OSTN: variants seen among roughly 807,000 people sequenced by gnomAD.
OSTN encodes the protein osteocrin.
OSTN carries 9 observed loss-of-function variants against 12.0 expected under a neutral mutation model. The observed-to-expected ratio is 0.75, with a 90% CI of 0.45 to 1.30. The LOEUF (loss-of-function observed/expected upper bound fraction) is 1.30, where lower values mean the gene tolerates loss of function less well. Among genes scored for constraint, OSTN ranks in the 50% most tolerant of loss-of-function variants. OSTN has a pLI of 0.00. For synonymous variants in OSTN, 59 were observed against 56.9 expected, an observed-to-expected ratio of 1.04 and a Z score of -0.16; for missense variants, 148 against 152.3, an observed-to-expected ratio of 0.97 and a Z score of 0.15.
intron 4 of OSTN, among the ~76,000 whole-genome samples, chr3:191,252,942 T>C (rs541024184): frequency 6.6e-6 from 1 of 152,344 alleles, no homozygotes; most frequent in African/African-American, 2.4e-5. Flanking sequence ...TAAAGTTTCA[T>C]TTAATCCAAC....
rs771860583 is a variant in OSTN, at chr3:191,212,644, A to G, written c.102+10A>G. 20 of 1,415,196 alleles carry G rather than the reference A, an allele frequency of 1.4e-5. No individual in the cohort carries two copies. The South Asian group carries it at 3.1e-4, about 22-fold the overall frequency. 87.7% of individuals were successfully genotyped at this position (1,415,196 alleles called of 1,614,324 possible). A position where few individuals can be genotyped will look rare whatever the true frequency, so the allele number is the denominator to read the frequency against. On this transcript the variant is annotated intron_variant, in intron 2 of 4. Transcript: ENST00000682035. ...TGTAACAACAACAGAGGTAATGGAA[A>G]CTAGCTTACAGAAATAAATATACAT...
chr3:191,260,403 A>C (rs1284511990), intron 4 of OSTN, among the ~76,000 whole-genome samples: 3 of 152,036 alleles, frequency 2.0e-5, no homozygotes, highest in Non-Finnish European at 4.4e-5. Flanking sequence ...TCACTCCCGG[A>C]AACAGGCTAA....
At chr3:191,210,848 C>T (rs1422674695) in intron 1 of OSTN, among the ~76,000 whole-genome samples, 1 of 152,194 alleles carries the variant, frequency 6.6e-6, no homozygotes, top group African/African-American at 2.4e-5. Flanking sequence ...TCATACTCCA[C>T]GATCTTCCCT....
chr3:191,227,979 A>G (rs1292156592), intron 3 of OSTN, among the ~76,000 whole-genome samples: 1 of 152,194 alleles, frequency 6.6e-6, no homozygotes, highest in Admixed American at 6.5e-5. Context: ...TTACACCAAG[A>G]ATGACAGAAT....
intron 3 of OSTN, among the ~76,000 whole-genome samples, chr3:191,244,177 C>T (rs1402792839): frequency 1.3e-5 from 2 of 151,940 alleles, no homozygotes; most frequent in African/African-American, 2.4e-5. Context: ...AACATTTTTC[C>T]ACCTGCTGTT....
At chr3:191,212,867 C>CTTTTTTTT (rs397991965) in intron 2 of OSTN, among the ~76,000 whole-genome samples, 28 of 93,084 alleles carry the variant, frequency 3.0e-4, no homozygotes, top group South Asian at 3.8e-4. Flanking sequence ...TCTTTTCTTT[C>CTTTTTTTT]TTTTTTTTTT....
At chr3:191,226,533 CTT>C (rs1015952758) in intron 3 of OSTN, among the ~76,000 whole-genome samples, 3 of 152,152 alleles carry the variant, frequency 2.0e-5, no homozygotes, top group Non-Finnish European at 2.9e-5. Context: ...AAATTACAAA[CTT>C]AACACAATTC....
chr3:191,216,872 C>T (rs1436268180), intron 2 of OSTN, among the ~76,000 whole-genome samples: 2 of 152,204 alleles, frequency 1.3e-5, no homozygotes, highest in Non-Finnish European at 2.9e-5. Flanking sequence ...GTCCTCCTGT[C>T]TTCTTCTGAG....
intron 1 of OSTN, among the ~76,000 whole-genome samples, chr3:191,205,885 G>GA (rs1161678473): frequency 1.3e-5 from 2 of 151,624 alleles, no homozygotes; most frequent in African/African-American, 4.8e-5. Context: ...AGAGAAGTAA[G>GA]AAAAAAATCC....
At chr3:191,219,231 A>G (rs187383200) in intron 3 of OSTN, among the ~76,000 whole-genome samples, 327 of 152,346 alleles carry the variant, frequency 2.1e-3, no homozygotes, top group African/African-American at 7.8e-3. Context: ...TTATTATAAG[A>G]CATTACTGCA....
intron 4 of OSTN, among the ~76,000 whole-genome samples, chr3:191,255,525 T>C (rs964238925): frequency 6.6e-6 from 1 of 152,212 alleles, no homozygotes; most frequent in Admixed American, 6.5e-5. Flanking sequence ...GTGTCTGCAA[T>C]TGTGTACTGT....
chr3:191,210,602 T>G (rs561535005), intron 1 of OSTN, among the ~76,000 whole-genome samples: 1 of 152,210 alleles, frequency 6.6e-6, no homozygotes, highest in Non-Finnish European at 1.5e-5. Flanking sequence ...TAGGGTAAAA[T>G]GATACTTATT....
chr3:191,241,167 C>CTTTTTTTTATTTTTTTTTT (rs1715309821), intron 3 of OSTN, among the ~76,000 whole-genome samples: 1 of 46,444 alleles, frequency 2.2e-5, no homozygotes, highest in Non-Finnish European at 4.9e-5. Flanking sequence ...TGTGCCTTGA[C>CTTTTTTTTATTTTTTTTTT]TTTTTTTTTT....
chr3:191,202,584 A>C (rs528767850), intron 1 of OSTN, among the ~76,000 whole-genome samples: 1 of 152,308 alleles, frequency 6.6e-6, no homozygotes, highest in South Asian at 2.1e-4. Flanking sequence ...ATGATGTAAG[A>C]TTTTGATCAA....
Position 191,226,488 on chromosome 3 carries a change from C to T in OSTN, c.317+7527C>T, listed in dbSNP as rs192152843. On this transcript the variant is annotated intron_variant, in intron 3 of 4. Transcript: ENST00000682035. ...CATACTGTGTTCTTAAGTCAAAAGACGCAAAAGCACAAACATATCAGCTCC... is the reference window on the plus strand; with the variant it reads ...CATACTGTGTTCTTAAGTCAAAAGATGCAAAAGCACAAACATATCAGCTCC... Among the ~76,000 whole-genome samples the T allele has an allele frequency of 5.4e-3, 815 of 152,192 alleles. 9 individuals are homozygous for T. The highest frequency in any genetic ancestry group is 0.019 in the African/African-American group (781 of 41,548).
intron 3 of OSTN, among the ~76,000 whole-genome samples, chr3:191,248,201 AG>A (rs1212109063): frequency 3.3e-5 from 5 of 152,066 alleles, no homozygotes; most frequent in African/African-American, 1.2e-4. Flanking sequence ...TGTGTAGTCA[AG>A]GAAAAAAAAT....
intron 4 of OSTN, among the ~76,000 whole-genome samples, chr3:191,260,595 C>T (rs1715784307): frequency 6.6e-6 from 1 of 152,132 alleles, no homozygotes. Flanking sequence ...TCCTTATGGA[C>T]AGGACTTCTT....
chr3:191,210,520 T>C (rs1435574296), intron 1 of OSTN, among the ~76,000 whole-genome samples: 1 of 152,208 alleles, frequency 6.6e-6, no homozygotes, highest in East Asian at 1.9e-4. Flanking sequence ...CATGAATCGA[T>C]TCAATCCTCT....
chr3:191,254,901 C>A (rs973356234), intron 4 of OSTN, among the ~76,000 whole-genome samples: 4 of 152,116 alleles, frequency 2.6e-5, no homozygotes, highest in African/African-American at 4.8e-5. Flanking sequence ...TTTATTTGTG[C>A]TTGTACACAC....
Sources: gnomAD v4.1 joint callset for allele counts (sites outside exome capture counted in the v4.1 genomes callset) on GRCh38, gnomAD v4.1.1 for gene constraint, MANE v1.5 for transcripts, NCBI Gene and HGNC (gene_info 2026-07-23, HGNC 2026-07-21) for gene names.